Variants in PDE9A observed in about 807,000 individuals in gnomAD.
PDE9A encodes the protein phosphodiesterase 9A, also known as high affinity cGMP-specific 3',5'-cyclic phosphodiesterase 9A.
Under a neutral mutation model 87.4 loss-of-function variants are expected in PDE9A, and 60 were observed. The observed-to-expected ratio is 0.69, with a 90% CI of 0.56 to 0.85. PDE9A has a LOEUF of 0.85. Ranked by LOEUF, PDE9A falls within the 40% of genes least tolerant of loss-of-function variation. PDE9A has a pLI of 0.00. For synonymous variants in PDE9A, 272 were observed against 279.4 expected (o/e 0.97, Z 0.27); for missense variants, 665 against 779.0 (o/e 0.85, Z 1.74).
At chr21:42,746,817 G>A (rs1290372456) in intron 8 of PDE9A, among the ~76,000 whole-genome samples, 2 of 152,202 alleles carry the variant, frequency 1.3e-5, no homozygotes, top group Admixed American at 6.5e-5. Context: ...TCTGAGTAAC[G>A]GAGGCGCATC....
At chr21:42,755,238 G>A (rs542065905) in intron 10 of PDE9A, among the ~76,000 whole-genome samples, 32 of 152,374 alleles carry the variant, frequency 2.1e-4, no homozygotes, top group Non-Finnish European at 4.1e-4. Flanking sequence ...TCTCTGCAAA[G>A]GGCAGAAAGT....
intron 8 of PDE9A, among the ~76,000 whole-genome samples, chr21:42,747,170 A>T (rs1007415231): frequency 1.3e-5 from 2 of 152,190 alleles, no homozygotes; most frequent in African/African-American, 2.4e-5. Context: ...ACACTGAGAT[A>T]TTCGTGTTGT....
intron 1 of PDE9A, among the ~76,000 whole-genome samples, chr21:42,656,319 G>C (rs1029458888): frequency 1.3e-5 from 2 of 152,198 alleles, no homozygotes; most frequent in Admixed American, 6.5e-5. Context: ...CCGCCCCTTC[G>C]TTATCTCTGC....
chr21:42,699,413 T>G (rs1434456256), intron 4 of PDE9A, among the ~76,000 whole-genome samples: 1 of 152,228 alleles, frequency 6.6e-6, no homozygotes, highest in Admixed American at 6.5e-5. Context: ...CAGGGCGGCA[T>G]CCACTCTGGT....
At position 42,662,794 on chromosome 21, in the gene PDE9A, GCACACACACAC is replaced by G. The variant is rs1569100164; in HGVS notation, c.69+8921_69+8931del. On this transcript the variant is annotated intron_variant, in intron 1 of 19. Transcript: ENST00000291539. Reference sequence around the variant, plus strand: ...GACACACACCACACACACACACCAAGCACACACACACCACACACACGCACACACACGCACAC... The same window carrying G: ...GACACACACCACACACACACACCAAGCACACACACGCACACACACGCACAC... Among the ~76,000 whole-genome samples, 8 of 94,954 alleles carry G rather than the reference GCACACACACAC, an allele frequency of 8.4e-5. No individual in the cohort carries two copies. In the South Asian group the frequency reaches 1.1e-3, roughly 13 times the overall value. The allele number at this position is 94,954 out of a possible 152,430, so 62.3% of individuals were successfully genotyped here.
rs1816344772 is a variant in PDE9A, at chr21:42,704,641, T to C, written c.262+5630T>C. 6.6e-6 allele frequency among the ~76,000 whole-genome samples: 1 copy of C among 152,142 alleles called. No homozygotes were observed. Among genetic ancestry groups the C allele is most frequent in the Non-Finnish European group, 1.5e-5 (1 of 68,016 alleles). On this transcript the variant is annotated intron_variant, in intron 4 of 19. Coordinates refer to ENST00000291539, the MANE Select transcript of PDE9A (RefSeq NM_002606.3). This position sits in a 1 kb window ranked among gnomAD's most constrained non-coding sequence, Gnocchi z 5.3. ...GGAGTTAGCTCTAGCGACGCCGCCC[T>C]GAGTTCTGGCCTGTAAGCAACCCCA...
intron 1 of PDE9A, among the ~76,000 whole-genome samples, chr21:42,666,946 GGC>G (rs1283024007): frequency 5.3e-5 from 8 of 152,290 alleles, no homozygotes; most frequent in African/African-American, 1.7e-4. Context: ...AAGGTTGAAA[GGC>G]GGCACCAAGG....
intron 18 of PDE9A, among the ~76,000 whole-genome samples, chr21:42,771,035 T>C (rs2056982736): frequency 6.6e-6 from 1 of 152,248 alleles, no homozygotes; most frequent in South Asian, 2.1e-4. Context: ...CGAGGGAGTT[T>C]ACTGGCCGTG....
intron 2 of PDE9A, among the ~76,000 whole-genome samples, chr21:42,686,973 G>C (rs58419862): frequency 0.11 from 16,285 of 152,178 alleles, 1,142 homozygotes; most frequent in East Asian, 0.33. Context: ...ATCAACACTG[G>C]GTGAAAGGCT....
chr21:42,724,763 C>T (rs1483914379), intron 4 of PDE9A: 1 of 181,198 alleles, frequency 5.5e-6, no homozygotes, highest in Non-Finnish European at 1.1e-5. Context: ...GTGGCTATGA[C>T]AGACCAGGAT....
At position 42,659,017 on chromosome 21, in the gene PDE9A, G is replaced by A. The variant is rs1218971449; in HGVS notation, c.69+5134G>A. ...GAAGCTGGGCTGTGAAAAGTAGTAA[G>A]AACCCTCGGTTTTTGGTTCCTTTTT... On this transcript the variant is annotated intron_variant, in intron 1 of 19. Coordinates refer to ENST00000291539, the MANE Select transcript of PDE9A (RefSeq NM_002606.3). This position sits in a 1 kb window ranked among gnomAD's most constrained non-coding sequence, Gnocchi z 4.1. 1.3e-5 allele frequency among the ~76,000 whole-genome samples: 2 copies of A among 152,182 alleles called. No individual in the cohort carries two copies. Among genetic ancestry groups the A allele is most frequent in the African/African-American group, 4.8e-5 (2 of 41,434 alleles).
chr21:42,721,490 C>A (rs4919998), intron 4 of PDE9A, among the ~76,000 whole-genome samples: 97,876 of 152,098 alleles, frequency 0.64, 32,048 homozygotes, highest in East Asian at 0.94. Flanking sequence ...AGAGGAAGGG[C>A]TCCTGTGCCT....
intron 4 of PDE9A, among the ~76,000 whole-genome samples, chr21:42,718,693 T>G (rs555466909): frequency 6.6e-6 from 1 of 151,972 alleles, no homozygotes; most frequent in African/African-American, 2.4e-5. Context: ...TTTGTTTCGG[T>G]GTTTGCACGT....
intron 4 of PDE9A, among the ~76,000 whole-genome samples, chr21:42,708,114 T>G (rs2048991659): frequency 6.6e-6 from 1 of 152,214 alleles, no homozygotes; most frequent in African/African-American, 2.4e-5. Context: ...TCTATTTCAG[T>G]GCAATTTCAG....
intron 16 of PDE9A, 33 bp downstream of exon 16, chr21:42,768,325 C>A: frequency 1.5e-6 from 2 of 1,331,736 alleles, no homozygotes; most frequent in Non-Finnish European, 2.2e-6. Flanking sequence ...AAGCCTCCAG[C>A]CACTCTTATT....
chr21:42,701,948 G>T (rs548244965), intron 4 of PDE9A, among the ~76,000 whole-genome samples: 4 of 152,140 alleles, frequency 2.6e-5, no homozygotes, highest in Non-Finnish European at 5.9e-5. Context: ...GCAGGAATTT[G>T]ATTATGATGG....
At chr21:42,769,691 C>CAT (rs879065049) in intron 17 of PDE9A, among the ~76,000 whole-genome samples, 1 of 137,056 alleles carries the variant, frequency 7.3e-6, no homozygotes, top group African/African-American at 2.9e-5. Flanking sequence ...CAGGCACACA[C>CAT]ATACACACAT....
At chr21:42,766,858 TGAG>T (rs955876712) in intron 15 of PDE9A, among the ~76,000 whole-genome samples, 32 of 152,036 alleles carry the variant, frequency 2.1e-4, no homozygotes, top group Non-Finnish European at 3.4e-4. Context: ...CTTCCTCCTC[TGAG>T]GTGGGAGGAG....
At chr21:42,717,140 A>G (rs1182250474) in intron 4 of PDE9A, among the ~76,000 whole-genome samples, 2 of 151,516 alleles carry the variant, frequency 1.3e-5, no homozygotes, top group African/African-American at 4.8e-5. Flanking sequence ...ATAGTTGCCT[A>G]TATATTTGCC....
Sources: gnomAD v4.1 joint callset for allele counts (sites outside exome capture counted in the v4.1 genomes callset) on GRCh38, gnomAD v4.1.1 for gene constraint, Gnocchi (gnomAD v3.1) non-coding constraint, MANE v1.5 for transcripts, NCBI Gene and HGNC (gene_info 2026-07-23, HGNC 2026-07-21) for gene names.